The following ITIH5 variants were observed in gnomAD, a reference collection of about 807,000 sequenced individuals.
The protein encoded by ITIH5 is inter-alpha-trypsin inhibitor heavy chain H5.
A neutral mutation model predicts 77.5 loss-of-function variants in ITIH5; 65 were observed. The observed-to-expected ratio is 0.84, with a 90% CI of 0.69 to 1.03. The LOEUF (loss-of-function observed/expected upper bound fraction) is 1.03. ITIH5 is among the 50% of genes least tolerant of loss of function. The pLI, the probability that ITIH5 is intolerant of heterozygous loss-of-function variation, is 0.00. For synonymous variants in ITIH5, 525 were observed against 494.3 expected, an observed-to-expected ratio of 1.06 and a Z score of -0.82; for missense variants, 1,208 against 1,213.1, an observed-to-expected ratio of 1.00 and a Z score of 0.06.
At chr10:7,597,901 T>C (rs1287610722) in intron 7 of ITIH5, among the ~76,000 whole-genome samples, 3 of 129,400 alleles carry the variant, frequency 2.3e-5, no homozygotes, top group Admixed American at 7.6e-5. Context: ...CACCAAATAA[T>C]CAGATTTTTT....
chr10:7,579,068 AG>A (rs1216673734), intron 9 of ITIH5, among the ~76,000 whole-genome samples: 1 of 152,268 alleles, frequency 6.6e-6, no homozygotes, highest in African/African-American at 2.4e-5. Context: ...TTGAAATATC[AG>A]GATGTCAATG....
At chr10:7,658,766 G>T (rs1312177437) in intron 1 of ITIH5, among the ~76,000 whole-genome samples, 1 of 152,164 alleles carries the variant, frequency 6.6e-6, no homozygotes, top group Non-Finnish European at 1.5e-5. Context: ...GTTATAATAA[G>T]AGGTTGTGGA....
intron 5 of ITIH5, among the ~76,000 whole-genome samples, chr10:7,634,088 C>CAAAAAA (rs752092484): frequency 3.5e-4 from 21 of 59,940 alleles, no homozygotes; most frequent in African/African-American, 4.8e-4. Flanking sequence ...GACTCCGTCT[C>CAAAAAA]AAAAAAAAAA....
intron 7 of ITIH5, among the ~76,000 whole-genome samples, chr10:7,613,999 T>C (rs1275621513): frequency 1.3e-5 from 2 of 152,230 alleles, no homozygotes; most frequent in Non-Finnish European, 2.9e-5. Context: ...CAGACCATTA[T>C]CTTAGGCCTC....
In ITIH5 at chr10:7,569,681, A is replaced by G; in HGVS notation, c.2136T>C (p.Asp712=). The change falls in exon 12 of 14, where the codon GAT becomes GAC. Residue 712 remains aspartate (D), a synonymous_variant. Transcript: ENST00000397146. The part of the protein sequence containing the change: ...QPGDILRLVS[D]HRDSGVTVNG... ...GGTAGAACTTACCAGAGTCCCTGTG[A>G]TCAGAGACCAGCCTGAGGATGTCCC... 6.2e-7 allele frequency: 1 copy of G among 1,607,408 alleles called. No individual in the cohort carries two copies. The highest frequency in any genetic ancestry group is 8.5e-7 in the Non-Finnish European group (1 of 1,176,996).
chr10:7,597,993 CATT>C (rs1832941284), intron 7 of ITIH5, among the ~76,000 whole-genome samples: 1 of 151,936 alleles, frequency 6.6e-6, no homozygotes, highest in African/African-American at 2.4e-5. Flanking sequence ...GGGTCCATAT[CATT>C]GTTGTACTTC....
chr10:7,581,961 T>C lies in ITIH5; in HGVS notation c.1109-1897A>G, dbSNP rs1038145351. Among the ~76,000 whole-genome samples the C allele has an allele frequency of 8.0e-5, 12 of 149,564 alleles. 1 individual carries two copies. The highest frequency in any genetic ancestry group is 4.0e-4 in the Admixed American group (6 of 14,836). On this transcript the variant is annotated intron_variant, in intron 8 of 13. Coordinates refer to ENST00000397146, the MANE Select transcript of ITIH5 (RefSeq NM_030569.7). ...CGTGATCTTGGCTCACTGCAACCTC[T>C]GCCTCCTGTGTTCAAGCAATTCTCC...
chr10:7,657,337 G>A (rs772995979), intron 1 of ITIH5, among the ~76,000 whole-genome samples: 1 of 152,046 alleles, frequency 6.6e-6, no homozygotes, highest in East Asian at 1.9e-4. Context: ...ATGAGCCACC[G>A]TGCCTGGCCA....
At chr10:7,619,354 C>T (rs2131040412) in intron 5 of ITIH5, 1 of 152,920 alleles carries the variant, frequency 6.5e-6, no homozygotes, top group East Asian at 1.9e-4. Flanking sequence ...AGACTTTGAG[C>T]AAGTTACTCG....
intron 12 of ITIH5, among the ~76,000 whole-genome samples, chr10:7,568,773 T>A (rs931837806): frequency 2.0e-5 from 3 of 152,098 alleles, no homozygotes; most frequent in Non-Finnish European, 4.4e-5. Flanking sequence ...TCTGTGCTAA[T>A]CTCTTTCACC....
chr10:7,640,161 A>C (rs1054785095), intron 4 of ITIH5, among the ~76,000 whole-genome samples: 9 of 150,310 alleles, frequency 6.0e-5, no homozygotes, highest in Non-Finnish European at 7.4e-5. Context: ...AAAAAAAAAA[A>C]AAAAAAAAAA....
At chr10:7,645,906 C>T (rs959331258) in intron 2 of ITIH5, among the ~76,000 whole-genome samples, 57 of 152,094 alleles carry the variant, frequency 3.7e-4, no homozygotes, top group Admixed American at 3.7e-3. Context: ...GCATGACAAC[C>T]TGTGGGGTTT....
At chr10:7,631,872 C>T (rs985995814) in intron 5 of ITIH5, among the ~76,000 whole-genome samples, 11 of 151,950 alleles carry the variant, frequency 7.2e-5, no homozygotes, top group East Asian at 1.9e-4. Flanking sequence ...CTGCAGCCTC[C>T]GCCTCCCGGG....
At chr10:7,647,709 C>G (rs774246225) in intron 2 of ITIH5, among the ~76,000 whole-genome samples, 2 of 152,116 alleles carry the variant, frequency 1.3e-5, no homozygotes, top group Non-Finnish European at 1.5e-5. Context: ...TCTTTACACA[C>G]TTTGTTATGT....
intron 5 of ITIH5, among the ~76,000 whole-genome samples, chr10:7,626,933 G>A (rs545053861): frequency 1.9e-4 from 29 of 152,234 alleles, no homozygotes; most frequent in Admixed American, 9.2e-4. Context: ...ATTTACCAAC[G>A]TAAGCCAAGA....
intron 5 of ITIH5, among the ~76,000 whole-genome samples, chr10:7,626,600 A>T (rs1833582777): frequency 6.6e-6 from 1 of 152,210 alleles, no homozygotes; most frequent in Non-Finnish European, 1.5e-5. Flanking sequence ...GGGGTTTCAC[A>T]GCCAGTCACA....
intron 7 of ITIH5, among the ~76,000 whole-genome samples, chr10:7,605,536 C>G (rs950023325): frequency 1.3e-4 from 9 of 71,836 alleles, no homozygotes; most frequent in Admixed American, 7.0e-4. Flanking sequence ...ACCTAGCACC[C>G]CACCCCCAAC....
At chr10:7,656,145 T>A (rs1161799428) in intron 1 of ITIH5, among the ~76,000 whole-genome samples, 1 of 152,174 alleles carries the variant, frequency 6.6e-6, no homozygotes, top group Non-Finnish European at 1.5e-5. Flanking sequence ...TATCTTGAAT[T>A]TTCTTCATGG....
At chr10:7,652,168 G>A (rs1033619726) in intron 2 of ITIH5, among the ~76,000 whole-genome samples, 5 of 152,002 alleles carry the variant, frequency 3.3e-5, no homozygotes, top group Admixed American at 2.6e-4. Flanking sequence ...ATGTATGCCA[G>A]GGAGCTTCAT....
Sources: allele counts gnomAD v4.1 joint callset (sites outside exome capture counted in the v4.1 genomes callset), GRCh38; gene constraint gnomAD v4.1.1; transcripts MANE v1.5; gene names NCBI Gene and HGNC (gene_info 2026-07-23, HGNC 2026-07-21).